Variants in PTPRK observed in about 807,000 individuals in gnomAD.
PTPRK encodes the protein protein tyrosine phosphatase receptor type K, also known as receptor-type tyrosine-protein phosphatase kappa.
A neutral mutation model predicts 178.0 loss-of-function variants in PTPRK; 75 were observed. That is an observed-to-expected ratio of 0.42 (90% CI 0.35 to 0.51). PTPRK has a LOEUF of 0.51. Among genes scored for constraint, PTPRK ranks in the 20% least tolerant of loss-of-function variants. The pLI is 0.02. For missense variants in PTPRK, 1,441 were observed against 1,797.8 expected (o/e 0.80, Z 3.59); for synonymous variants, 637 against 620.6 (o/e 1.03, Z -0.39).
intron 5 of PTPRK, among the ~76,000 whole-genome samples, chr6:128,234,996 C>A (rs182546547): frequency 6.6e-6 from 1 of 152,198 alleles, no homozygotes; most frequent in African/African-American, 2.4e-5. Flanking sequence ...TTCAAAATAA[C>A]TTAAAAAGTG....
chr6:128,335,279 A>G (rs1267919291), intron 2 of PTPRK, among the ~76,000 whole-genome samples: 5 of 152,126 alleles, frequency 3.3e-5, no homozygotes, highest in Admixed American at 3.3e-4. Flanking sequence ...GGATTGTTGC[A>G]AGGATTACGG....
At chr6:128,275,284 A>G (rs1398051995) in intron 3 of PTPRK, among the ~76,000 whole-genome samples, 1 of 152,052 alleles carries the variant, frequency 6.6e-6, no homozygotes, top group Non-Finnish European at 1.5e-5. Context: ...CAATGCTGCA[A>G]ATATTACTTA....
At chr6:128,047,673 T>C (rs375368007) in intron 13 of PTPRK, among the ~76,000 whole-genome samples, 1 of 152,198 alleles carries the variant, frequency 6.6e-6, no homozygotes, top group African/African-American at 2.4e-5. Context: ...GAACTTTAAG[T>C]GCTTTCTTGC....
At chr6:128,090,111 T>A (rs1301367741) in intron 7 of PTPRK, 119 bp from the exon 8 acceptor site, 1 of 804,320 alleles carries the variant, frequency 1.2e-6, no homozygotes, top group Admixed American at 2.8e-5. Flanking sequence ...AGTCATGTTT[T>A]ATTTTCCTTT....
intron 7 of PTPRK, among the ~76,000 whole-genome samples, chr6:128,124,644 G>A (rs1793037237): frequency 6.6e-6 from 1 of 151,802 alleles, no homozygotes; most frequent in Non-Finnish European, 1.5e-5. Context: ...CTTCTGGGAT[G>A]GTTATTATTT....
chr6:128,445,089 G>A (rs1459311813), intron 1 of PTPRK, among the ~76,000 whole-genome samples: 1 of 151,056 alleles, frequency 6.6e-6, no homozygotes, highest in African/African-American at 2.4e-5. Flanking sequence ...AAAGGGCCAG[G>A]TGCGGTAGCT....
At chr6:128,104,733 T>A (rs1789400335) in intron 7 of PTPRK, among the ~76,000 whole-genome samples, 1 of 152,220 alleles carries the variant, frequency 6.6e-6, no homozygotes, top group Non-Finnish European at 1.5e-5. Context: ...TATGTCTGAA[T>A]GTCTTTATAA....
intron 1 of PTPRK, among the ~76,000 whole-genome samples, chr6:128,511,544 G>A (rs1016151631): frequency 2.6e-5 from 4 of 152,162 alleles, no homozygotes; most frequent in Non-Finnish European, 5.9e-5. Flanking sequence ...TCTATATGGA[G>A]CCTAAGAAGC....
In PTPRK at chr6:128,240,139, G is replaced by A. The variant is rs1274282799; in HGVS notation, c.589C>T (p.His197Tyr). 2 of 1,611,542 alleles carry A rather than the reference G, an allele frequency of 1.2e-6. No homozygotes were observed. The highest frequency in any genetic ancestry group is 1.7e-6 in the Non-Finnish European group (2 of 1,178,518). ...VLSYPCDKSP[H>Y]FLRLGDVEVN... ...TCTACATCCCCTAGACGGAGGAAAT[G>A]AGGAGATTTATCTGTGAAGGAAGGG... Residue 197 changes from histidine (H) to tyrosine (Y), a missense_variant, in exon 5 of 30, where the codon CAT becomes TAT. His to Tyr is a moderately conservative substitution (Grantham distance 83). This residue lies in a region of PTPRK where 945 missense variants were observed against 1,080.6 expected (regional missense o/e 0.87). Coordinates refer to ENST00000368226, the MANE Select transcript of PTPRK (RefSeq NM_002844.4).
At chr6:128,008,990 C>T in intron 14 of PTPRK, 140 bp downstream of exon 14, 1 of 627,040 alleles carries the variant, frequency 1.6e-6, no homozygotes, top group Non-Finnish European at 2.5e-6. Context: ...GTCCAATAGA[C>T]TCAGGTGCTG....
intron 7 of PTPRK, among the ~76,000 whole-genome samples, chr6:128,153,217 G>T (rs1358785082): frequency 6.6e-6 from 1 of 151,728 alleles, no homozygotes; most frequent in South Asian, 2.1e-4. Flanking sequence ...AGAAAGACTA[G>T]ACACTTGAGA....
intron 6 of PTPRK, among the ~76,000 whole-genome samples, chr6:128,212,646 C>T (rs1046224368): frequency 1.3e-5 from 2 of 151,996 alleles, no homozygotes; most frequent in African/African-American, 2.4e-5. Flanking sequence ...AATGATTCTG[C>T]TTCCTCTTTG....
intron 1 of PTPRK, among the ~76,000 whole-genome samples, chr6:128,517,500 T>A (rs975006956): frequency 6.6e-6 from 1 of 152,216 alleles, no homozygotes; most frequent in East Asian, 1.9e-4. Flanking sequence ...GACATGGGTG[T>A]CATTTTAAGT....
At chr6:128,193,280 GAA>G (rs778872277) in intron 6 of PTPRK, among the ~76,000 whole-genome samples, 215 of 57,716 alleles carry the variant, frequency 3.7e-3, no homozygotes, top group African/African-American at 0.011. Flanking sequence ...TCCAGCTTGT[GAA>G]AAAAAAAAAA....
chr6:128,376,846 G>A (rs1837158513), intron 2 of PTPRK, among the ~76,000 whole-genome samples: 1 of 152,154 alleles, frequency 6.6e-6, no homozygotes, highest in Non-Finnish European at 1.5e-5. Flanking sequence ...GGGGCATAAT[G>A]CCACCAATCT....
intron 7 of PTPRK, among the ~76,000 whole-genome samples, chr6:128,156,380 G>A (rs1208301168): frequency 6.6e-6 from 1 of 151,884 alleles, no homozygotes; most frequent in African/African-American, 2.4e-5. Context: ...TGGACTCACA[G>A]TTGCATAGGC....
intron 7 of PTPRK, among the ~76,000 whole-genome samples, chr6:128,128,917 T>G (rs921870989): frequency 6.6e-6 from 1 of 152,200 alleles, no homozygotes; most frequent in Non-Finnish European, 1.5e-5. Flanking sequence ...AGAAATGACA[T>G]GAACCAATAC....
intron 3 of PTPRK, among the ~76,000 whole-genome samples, chr6:128,270,949 T>C (rs1819712797): frequency 1.3e-5 from 2 of 151,968 alleles, no homozygotes; most frequent in South Asian, 4.1e-4. Context: ...AGCTAAGGTC[T>C]TAAAAAAAAA....
intron 21 of PTPRK, among the ~76,000 whole-genome samples, chr6:127,987,243 A>AC (rs1776081949): frequency 1.5e-5 from 2 of 133,348 alleles, no homozygotes; most frequent in South Asian, 4.3e-4. Flanking sequence ...TTAAAAAAAC[A>AC]ACCCCCCCCA....
Sources: allele counts gnomAD v4.1 joint callset (sites outside exome capture counted in the v4.1 genomes callset), GRCh38; gene constraint gnomAD v4.1.1; regional missense constraint gnomAD v4.1.1; transcripts MANE v1.5; gene names NCBI Gene and HGNC (gene_info 2026-07-23, HGNC 2026-07-21).